The following PAPSS2 variants were observed in gnomAD, a reference collection of about 807,000 sequenced individuals.
PAPSS2 encodes the protein 3'-phosphoadenosine 5'-phosphosulfate synthase 2.
Under a neutral mutation model 66.5 loss-of-function variants are expected in PAPSS2, and 61 were observed. The observed-to-expected ratio is 0.92, with a 90% CI of 0.75 to 1.14. The LOEUF is 1.14. Ranked by LOEUF, PAPSS2 falls within the 50% of genes most tolerant of loss-of-function variation. The pLI is 0.00. For synonymous variants in PAPSS2, 289 were observed against 287.5 expected (o/e 1.01, Z -0.05); for missense variants, 708 against 789.6 (o/e 0.90, Z 1.24).
intron 3 of PAPSS2, 145 bp from the exon 4 acceptor site, chr10:87,713,899 T>C (rs912738912): frequency 2.5e-6 from 2 of 794,546 alleles, no homozygotes; most frequent in African/African-American, 3.4e-5. Flanking sequence ...CAGAGTAAAA[T>C]TTCTGGACTT....
chr10:87,714,530 C>T (rs745744559), intron 4 of PAPSS2, among the ~76,000 whole-genome samples: 6 of 152,114 alleles, frequency 3.9e-5, no homozygotes, highest in Non-Finnish European at 7.3e-5. Flanking sequence ...ACTTAGCCAG[C>T]AGGATTTTGT....
intron 1 of PAPSS2, among the ~76,000 whole-genome samples, chr10:87,688,295 A>G (rs994366026): frequency 6.6e-6 from 1 of 151,930 alleles, no homozygotes; most frequent in African/African-American, 2.4e-5. Flanking sequence ...AAAGATAATG[A>G]TAAAACACAC....
At chr10:87,717,631 T>C (rs144015012) in intron 7 of PAPSS2, among the ~76,000 whole-genome samples, 5 of 151,896 alleles carry the variant, frequency 3.3e-5, no homozygotes, top group Admixed American at 6.5e-5. Flanking sequence ...GGCATGATCA[T>C]AGCTCACTGA....
At chr10:87,708,719 C>T (rs1040833639) in intron 1 of PAPSS2, among the ~76,000 whole-genome samples, 9 of 152,132 alleles carry the variant, frequency 5.9e-5, no homozygotes, top group Non-Finnish European at 1.2e-4. Context: ...ATTCTAAAGG[C>T]AGTGTTTGTT....
In PAPSS2 at chr10:87,701,380, CTTTCTTTCTTTCTT is replaced by C. The variant is rs1564716808; in HGVS notation, c.28-7814_28-7801del. Among the ~76,000 whole-genome samples the C allele has an allele frequency of 1.1e-3, 87 of 80,944 alleles. 1 individual carries two copies. Among genetic ancestry groups the C allele is most frequent in the African/African-American group, 4.7e-3 (78 of 16,730 alleles). The allele number at this position is 80,944 out of a possible 152,430, so 53.1% of individuals were successfully genotyped here. A position where few individuals can be genotyped will look rare whatever the true frequency, so the allele number is the denominator to read the frequency against. Reference sequence around the variant, plus strand: ...TCTTTCTTTCTTTCTTTCTTTCTTTCTTTCTTTCTTTCTTTCTCTTTCTTTCTCTCTCTCTCTCT... The same window carrying C: ...TCTTTCTTTCTTTCTTTCTTTCTTTCTCTCTTTCTTTCTCTCTCTCTCTCT... On this transcript the variant is annotated intron_variant, in intron 1 of 12. Coordinates refer to ENST00000456849, the MANE Select transcript of PAPSS2 (RefSeq NM_001015880.2).
intron 1 of PAPSS2, among the ~76,000 whole-genome samples, chr10:87,682,412 A>C (rs1259677347): frequency 1.3e-5 from 2 of 152,226 alleles, no homozygotes; most frequent in Non-Finnish European, 2.9e-5. Context: ...CAAACAAGGC[A>C]CTTTAAAAAA....
chr10:87,706,767 A>G (rs1467727139), intron 1 of PAPSS2, among the ~76,000 whole-genome samples: 1 of 152,020 alleles, frequency 6.6e-6, no homozygotes, highest in East Asian at 1.9e-4. Flanking sequence ...TCAAACAACA[A>G]CAACAACAAC....
At chr10:87,729,208 C>T (rs1013382777) in intron 9 of PAPSS2, among the ~76,000 whole-genome samples, 20 of 150,836 alleles carry the variant, frequency 1.3e-4, no homozygotes, top group African/African-American at 4.6e-4. Flanking sequence ...TTCACTTTAT[C>T]GTGCTTCACA....
At chr10:87,703,447 C>T (rs185808751) in intron 1 of PAPSS2, among the ~76,000 whole-genome samples, 1 of 152,248 alleles carries the variant, frequency 6.6e-6, no homozygotes, top group East Asian at 1.9e-4. Flanking sequence ...AAACTACCAT[C>T]ACTTCTCCAG....
intron 8 of PAPSS2, among the ~76,000 whole-genome samples, chr10:87,723,278 T>C (rs1853617830): frequency 6.6e-6 from 1 of 152,212 alleles, no homozygotes; most frequent in Non-Finnish European, 1.5e-5. Context: ...AAGGGGTTAT[T>C]CTTTGTTAGC....
At chr10:87,698,906 T>G (rs1853268111) in intron 1 of PAPSS2, among the ~76,000 whole-genome samples, 2 of 152,178 alleles carry the variant, frequency 1.3e-5, no homozygotes, top group Non-Finnish European at 2.9e-5. Context: ...AAATTTTAAT[T>G]TAGTGACACT....
chr10:87,700,221 A>G (rs1589429193), intron 1 of PAPSS2, among the ~76,000 whole-genome samples: 1 of 152,192 alleles, frequency 6.6e-6, no homozygotes, highest in Non-Finnish European at 1.5e-5. Flanking sequence ...TTTCTGTATT[A>G]TAATGTTGAG....
At position 87,660,044 on chromosome 10, in the gene PAPSS2, C is replaced by T. The variant is rs780033440; in HGVS notation, c.27+36C>T. On this transcript the variant is annotated intron_variant, in intron 1 of 12. Coordinates refer to ENST00000456849, the MANE Select transcript of PAPSS2 (RefSeq NM_001015880.2). The stretch of plus-strand genomic sequence containing the variant: ...AGGCGCCGGCTTCCCTCCCCGCCAC[C>T]GCACTGCACGCGCCGACCCCCAACC... The T allele has an allele frequency of 3.1e-6, 5 of 1,599,962 alleles. No homozygotes were observed. The Admixed American group carries it at 8.5e-5, about 27-fold the overall frequency.
chr10:87,665,731 T>C (rs1852808249), intron 1 of PAPSS2, among the ~76,000 whole-genome samples: 1 of 151,776 alleles, frequency 6.6e-6, no homozygotes, highest in Non-Finnish European at 1.5e-5. Context: ...CCAGCTTAAC[T>C]TGAGGAAGAC....
chr10:87,731,478 G>A (rs189489652), intron 9 of PAPSS2, among the ~76,000 whole-genome samples: 1 of 152,258 alleles, frequency 6.6e-6, no homozygotes, highest in African/African-American at 2.4e-5. Flanking sequence ...CAACTTTCAG[G>A]TCTTATTGTT....
intron 1 of PAPSS2, among the ~76,000 whole-genome samples, chr10:87,688,532 T>C (rs931854397): frequency 6.6e-6 from 1 of 151,830 alleles, no homozygotes; most frequent in Non-Finnish European, 1.5e-5. Context: ...GGATCTCTGC[T>C]CACCTCAAGC....
intron 1 of PAPSS2, among the ~76,000 whole-genome samples, chr10:87,662,252 T>C (rs1447559568): frequency 2.0e-5 from 3 of 151,966 alleles, no homozygotes; most frequent in Non-Finnish European, 4.4e-5. Context: ...GTATACTGGG[T>C]GGGGGAGGCG....
rs200005873 is a variant in PAPSS2 at position 87,713,345 on chromosome 10, A to C, written c.381+35A>C. 230 of 1,165,474 alleles carry C rather than the reference A, an allele frequency of 2.0e-4. No homozygotes were observed. The African/African-American group carries it at 3.3e-3, about 17-fold the overall frequency. The allele number at this position is 1,165,474 out of a possible 1,614,324, so 72.2% of individuals were successfully genotyped here. A position where few individuals can be genotyped will look rare whatever the true frequency, so the allele number is the denominator to read the frequency against. ...AAAAAAAAAAAAAAAGGCACTACACACGATTCCCACACACAGTGCAAGTGC... is the reference window on the plus strand; with the variant it reads ...AAAAAAAAAAAAAAAGGCACTACACCCGATTCCCACACACAGTGCAAGTGC... On this transcript the variant is annotated intron_variant, in intron 3 of 12. Coordinates refer to ENST00000456849, the MANE Select transcript of PAPSS2 (RefSeq NM_001015880.2).
intron 9 of PAPSS2, among the ~76,000 whole-genome samples, chr10:87,737,928 A>G (rs1853820487): frequency 6.6e-6 from 1 of 152,188 alleles, no homozygotes; most frequent in African/African-American, 2.4e-5. Flanking sequence ...TTCGACTAGA[A>G]TTCATAGAAA....
Sources: allele counts gnomAD v4.1 joint callset (sites outside exome capture counted in the v4.1 genomes callset), GRCh38; gene constraint gnomAD v4.1.1; transcripts MANE v1.5; gene names NCBI Gene and HGNC (gene_info 2026-07-23, HGNC 2026-07-21).